MARCHF1: variants seen among roughly 807,000 people sequenced by gnomAD.
MARCHF1 encodes the protein E3 ubiquitin-protein ligase MARCHF1.
MARCHF1 carries 40 observed loss-of-function variants against 54.2 expected under a neutral mutation model. That is an observed-to-expected ratio of 0.74 (90% CI 0.57 to 0.96). The LOEUF (loss-of-function observed/expected upper bound fraction) is 0.96, where lower values mean the gene tolerates loss of function less well. MARCHF1 is among the 40% of genes least tolerant of loss of function. The probability of loss-of-function intolerance (pLI) is 0.00; values close to 1 mark genes in which losing one functional copy is unlikely to be tolerated. For synonymous variants in MARCHF1, 236 were observed against 236.3 expected (o/e 1.00, Z 0.01); for missense variants, 586 against 656.5 (o/e 0.89, Z 1.17).
At chr4:163,854,719 C>A (rs1308748340) in intron 3 of MARCHF1, among the ~76,000 whole-genome samples, 1 of 152,138 alleles carries the variant, frequency 6.6e-6, no homozygotes, top group African/African-American at 2.4e-5. Context: ...AAGTATATGA[C>A]ATCTATCACC....
intron 7 of MARCHF1, among the ~76,000 whole-genome samples, chr4:163,606,417 T>C (rs1192361974): frequency 1.3e-5 from 2 of 152,090 alleles, no homozygotes; most frequent in South Asian, 2.1e-4. Context: ...AAGGAACTTA[T>C]TCTGTAGGGA....
chr4:164,113,825 GA>G (rs1755885116), intron 1 of MARCHF1, among the ~76,000 whole-genome samples: 2 of 152,096 alleles, frequency 1.3e-5, no homozygotes, highest in East Asian at 1.9e-4. Context: ...AGTAAAAAGT[GA>G]AATACTGGAC....
intron 2 of MARCHF1, among the ~76,000 whole-genome samples, chr4:164,089,456 A>G (rs1755255716): frequency 6.6e-6 from 1 of 152,144 alleles, no homozygotes; most frequent in Non-Finnish European, 1.5e-5. Flanking sequence ...AAACAAAGGA[A>G]CACAAGAAAA....
chr4:164,346,120 A>C (rs535106938), intron 1 of MARCHF1, among the ~76,000 whole-genome samples: 2 of 152,132 alleles, frequency 1.3e-5, no homozygotes, highest in Non-Finnish European at 2.9e-5. Context: ...TGACCACATT[A>C]TTTCTTTGGG....
At chr4:164,356,858 T>C (rs1329197535) in intron 1 of MARCHF1, among the ~76,000 whole-genome samples, 1 of 150,876 alleles carries the variant, frequency 6.6e-6, no homozygotes, top group African/African-American at 2.4e-5. Flanking sequence ...CAGAAAAATA[T>C]TAGTGGTTTA....
chr4:163,545,611 G>A lies in MARCHF1; in HGVS notation c.1324C>T (p.Gln442Ter), dbSNP rs1738872830. ...LIDRTAEEIK[Q>*]GNDNGVLEWP... ...GTGCTCTTACCATTGTCATTGCCTT[G>A]CTTGATTTCCTCCGCTGTCCGGTCT... The change falls in exon 9 of 10, where the codon CAA becomes TAA. Residue 442 changes from glutamine to a stop codon, truncating the protein, a stop_gained. Coordinates refer to ENST00000514618, the MANE Select transcript of MARCHF1 (RefSeq NM_001394959.1). LOFTEE classifies it high-confidence loss of function. 1 of 1,613,304 alleles carries A rather than the reference G, an allele frequency of 6.2e-7. No homozygotes were observed. The highest frequency in any genetic ancestry group is 1.1e-5 in the South Asian group (1 of 90,934).
intron 1 of MARCHF1, among the ~76,000 whole-genome samples, chr4:164,141,697 C>G (rs1462438133): frequency 6.6e-6 from 1 of 152,220 alleles, no homozygotes; most frequent in Admixed American, 6.5e-5. Context: ...CTTAAAGGTA[C>G]TGTGCAGAAA....
Position 163,984,661 on chromosome 4 carries a change from T to C in MARCHF1, c.-39+3840A>G, listed in dbSNP as rs149670395. 1.9e-3 allele frequency among the ~76,000 whole-genome samples: 288 copies of C among 152,322 alleles called. 1 individual carries two copies. The highest frequency in any genetic ancestry group is 6.7e-3 in the African/African-American group (279 of 41,576). ...AGAATTTCCAGATCTAGAGTAGGAATTCAAGCTACAGCTACAGGGCTAAGA... is the reference window on the plus strand; with the variant it reads ...AGAATTTCCAGATCTAGAGTAGGAACTCAAGCTACAGCTACAGGGCTAAGA... On this transcript the variant is annotated intron_variant, in intron 3 of 9. Coordinates refer to ENST00000514618, the MANE Select transcript of MARCHF1 (RefSeq NM_001394959.1).
intron 2 of MARCHF1, among the ~76,000 whole-genome samples, chr4:164,055,746 CA>C (rs1465740615): frequency 6.6e-6 from 1 of 152,174 alleles, no homozygotes; most frequent in African/African-American, 2.4e-5. Context: ...AGATGCTCTA[CA>C]GTAAAATGCC....
At chr4:164,297,675 GT>G (rs992727571) in intron 1 of MARCHF1, among the ~76,000 whole-genome samples, 1 of 100,618 alleles carries the variant, frequency 9.9e-6, no homozygotes, top group Non-Finnish European at 2.9e-5. Flanking sequence ...AAAGCCTGCA[GT>G]TTAACTAGTA....
intron 8 of MARCHF1, among the ~76,000 whole-genome samples, chr4:163,554,793 A>T (rs1739229661): frequency 6.6e-6 from 1 of 152,248 alleles, no homozygotes; most frequent in Non-Finnish European, 1.5e-5. Context: ...TTATTTTTAT[A>T]AAACAGATAA....
chr4:164,189,370 A>G (rs1050847066), intron 1 of MARCHF1: 2 of 628,288 alleles, frequency 3.2e-6, no homozygotes, highest in East Asian at 2.6e-5. Context: ...AGAGCTAAAC[A>G]TGGATCTGTT....
chr4:163,764,409 A>C (rs1341822830), intron 4 of MARCHF1, among the ~76,000 whole-genome samples: 1 of 152,106 alleles, frequency 6.6e-6, no homozygotes, highest in East Asian at 1.9e-4. Context: ...TCTTTGCATG[A>C]AAAGTTGACA....
intron 8 of MARCHF1, among the ~76,000 whole-genome samples, chr4:163,560,630 C>A (rs1002987892): frequency 1.3e-5 from 2 of 152,108 alleles, no homozygotes; most frequent in African/African-American, 4.8e-5. Flanking sequence ...GACCTCTTCA[C>A]AATATTGAGT....
intron 1 of MARCHF1, among the ~76,000 whole-genome samples, chr4:164,151,016 G>C (rs1579576723): frequency 6.6e-6 from 1 of 152,132 alleles, no homozygotes; most frequent in African/African-American, 2.4e-5. Flanking sequence ...CTTGGAAGAT[G>C]AAAGAAAATC....
At chr4:163,992,750 A>T (rs1752991882) in intron 2 of MARCHF1, among the ~76,000 whole-genome samples, 1 of 149,128 alleles carries the variant, frequency 6.7e-6, no homozygotes, top group South Asian at 2.1e-4. Flanking sequence ...TAATTATAAA[A>T]TATAAAATTA....
At chr4:163,782,312 C>T (rs1044824554) in intron 4 of MARCHF1, among the ~76,000 whole-genome samples, 1 of 152,104 alleles carries the variant, frequency 6.6e-6, no homozygotes, top group South Asian at 2.1e-4. Flanking sequence ...AGTCACAAAG[C>T]AGATTGACAT....
At chr4:163,701,838 G>GTTT (rs34195170) in intron 4 of MARCHF1, among the ~76,000 whole-genome samples, 3 of 149,994 alleles carry the variant, frequency 2.0e-5, no homozygotes, top group African/African-American at 7.3e-5. Flanking sequence ...AATTCCTTTT[G>GTTT]TTTTTTTTTT....
Position 164,298,084 on chromosome 4 carries a change from CA to C in MARCHF1, c.-323+85785del, listed in dbSNP as rs149238670. ...AGAAAAAAAACAAAAACACAAGACC[CA>C]AATAGAGTTTTAAAAGACCCTGAGC... On this transcript the variant is annotated intron_variant, in intron 1 of 9. Coordinates refer to ENST00000514618, the MANE Select transcript of MARCHF1 (RefSeq NM_001394959.1). Among the ~76,000 whole-genome samples, 1,232 of 152,046 alleles carry C rather than the reference CA, an allele frequency of 8.1e-3. 6 individuals are homozygous for C. The highest frequency in any genetic ancestry group is 0.028 in the African/African-American group (1,177 of 41,484).
Sources: gnomAD v4.1 joint callset for allele counts (sites outside exome capture counted in the v4.1 genomes callset) on GRCh38, gnomAD v4.1.1 for gene constraint, MANE v1.5 for transcripts, NCBI Gene and HGNC (gene_info 2026-07-23, HGNC 2026-07-21) for gene names.